Variants in CDH12 observed in about 807,000 individuals in gnomAD.
CDH12 encodes cadherin 12.
CDH12 carries 41 observed loss-of-function variants against 74.1 expected under a neutral mutation model. That is an observed-to-expected ratio of 0.55 (90% CI 0.43 to 0.72). The LOEUF is 0.72. CDH12 is among the 30% of genes least tolerant of loss of function. CDH12 has a pLI of 0.00. For synonymous variants in CDH12, 399 were observed against 355.0 expected, an observed-to-expected ratio of 1.12 and a Z score of -1.39; for missense variants, 945 against 977.2, an observed-to-expected ratio of 0.97 and a Z score of 0.44.
intron 6 of CDH12, among the ~76,000 whole-genome samples, chr5:21,921,108 T>C (rs140400974): frequency 6.6e-6 from 1 of 152,182 alleles, no homozygotes; most frequent in Non-Finnish European, 1.5e-5. Context: ...ATAAGATTGA[T>C]CAATGCATTT....
intron 7 of CDH12, among the ~76,000 whole-genome samples, chr5:21,852,420 T>C (rs1377208666): frequency 1.3e-5 from 2 of 151,444 alleles, no homozygotes; most frequent in Admixed American, 6.6e-5. Context: ...ACAAACTTTT[T>C]AAACATACTA....
chr5:22,528,968 A>G (rs1002731546), intron 1 of CDH12, among the ~76,000 whole-genome samples: 3 of 113,390 alleles, frequency 2.6e-5, no homozygotes, highest in African/African-American at 9.0e-5. Context: ...CCCAGTATCA[A>G]AATCTATATT....
intron 1 of CDH12, among the ~76,000 whole-genome samples, chr5:22,689,879 A>T (rs1167996049): frequency 6.6e-6 from 1 of 152,208 alleles, no homozygotes. Context: ...TTATAATAAA[A>T]TTTATTTTGT....
intron 1 of CDH12, among the ~76,000 whole-genome samples, chr5:22,625,133 G>A (rs978711741): frequency 6.6e-6 from 1 of 152,036 alleles, no homozygotes; most frequent in Non-Finnish European, 1.5e-5. Context: ...ACACAGGAAG[G>A]GGAACATCAC....
At chr5:22,594,563 G>A (rs1394884099) in intron 1 of CDH12, among the ~76,000 whole-genome samples, 1 of 152,072 alleles carries the variant, frequency 6.6e-6, no homozygotes, top group Non-Finnish European at 1.5e-5. Flanking sequence ...GCATAATGCT[G>A]AGAAGAATAT....
chr5:22,117,431 ATAAATTATATATATATAATATATATAT>A (rs1745182676), intron 4 of CDH12, among the ~76,000 whole-genome samples: 1 of 114,834 alleles, frequency 8.7e-6, no homozygotes, highest in East Asian at 2.3e-4. Context: ...ACATGCATAT[ATAAATTATATATATATAATATATATAT>A]TATATATATA....
chr5:22,065,336 T>A (rs1235481226), intron 5 of CDH12, among the ~76,000 whole-genome samples: 1 of 152,084 alleles, frequency 6.6e-6, no homozygotes, highest in East Asian at 1.9e-4. Context: ...ATATAGGGTA[T>A]GAAATAATGG....
At chr5:21,778,076 C>T (rs532303481) in intron 11 of CDH12, among the ~76,000 whole-genome samples, 53 of 152,242 alleles carry the variant, frequency 3.5e-4, no homozygotes, top group African/African-American at 1.2e-3. Context: ...ACTTGAGCAA[C>T]ATCTCCCAAT....
At chr5:22,042,042 T>C (rs1739610608) in intron 5 of CDH12, among the ~76,000 whole-genome samples, 1 of 151,954 alleles carries the variant, frequency 6.6e-6, no homozygotes, top group African/African-American at 2.4e-5. Flanking sequence ...ATCAACAACA[T>C]ACTCTTGAAC....
chr5:22,547,822 T>C (rs944791891), intron 1 of CDH12, among the ~76,000 whole-genome samples: 5 of 152,080 alleles, frequency 3.3e-5, no homozygotes, highest in Non-Finnish European at 5.9e-5. Context: ...ATAAAACACA[T>C]TGAGTAGGGG....
intron 4 of CDH12, among the ~76,000 whole-genome samples, chr5:22,107,857 T>A (rs2150256992): frequency 6.6e-6 from 1 of 152,266 alleles, no homozygotes; most frequent in Admixed American, 6.5e-5. Flanking sequence ...GTCACATATC[T>A]GTGCATCACT....
chr5:22,609,757 T>G (rs1368899102), intron 1 of CDH12, among the ~76,000 whole-genome samples: 1 of 152,216 alleles, frequency 6.6e-6, no homozygotes, highest in East Asian at 1.9e-4. Flanking sequence ...ATGAAGGAAA[T>G]TCCTTAAGTC....
At chr5:22,366,988 TA>T (rs1408718471) in intron 3 of CDH12, among the ~76,000 whole-genome samples, 1 of 152,236 alleles carries the variant, frequency 6.6e-6, no homozygotes, top group Non-Finnish European at 1.5e-5. Context: ...TTGTGGTTTT[TA>T]AAAAATTATT....
chr5:21,797,907 T>C (rs371259235), intron 10 of CDH12, among the ~76,000 whole-genome samples: 12 of 152,176 alleles, frequency 7.9e-5, no homozygotes, highest in African/African-American at 2.9e-4. Context: ...GTCTTCAAAA[T>C]ACAACAAACA....
At chr5:22,251,710 C>T (rs1034046627) in intron 3 of CDH12, among the ~76,000 whole-genome samples, 4 of 152,110 alleles carry the variant, frequency 2.6e-5, no homozygotes, top group African/African-American at 7.2e-5. Flanking sequence ...TATATCCAGT[C>T]CTAAGTGCTC....
At chr5:21,993,166 C>A (rs1010724489) in intron 5 of CDH12, among the ~76,000 whole-genome samples, 3 of 152,054 alleles carry the variant, frequency 2.0e-5, no homozygotes, top group African/African-American at 7.2e-5. Context: ...GGACATAGAG[C>A]CAAACCATAT....
At chr5:22,282,637 A>G (rs1013346382) in intron 3 of CDH12, among the ~76,000 whole-genome samples, 22 of 152,318 alleles carry the variant, frequency 1.4e-4, no homozygotes, top group African/African-American at 5.3e-4. Flanking sequence ...AACATATGAA[A>G]AAAAGCTCAT....
intron 3 of CDH12, among the ~76,000 whole-genome samples, chr5:22,272,915 G>A (rs1276162024): frequency 6.6e-6 from 1 of 152,144 alleles, no homozygotes; most frequent in Non-Finnish European, 1.5e-5. Flanking sequence ...TTACAATCAT[G>A]GCAGAAGGGG....
chr5:22,058,100 A>G (rs1456327062), intron 5 of CDH12, among the ~76,000 whole-genome samples: 2 of 151,830 alleles, frequency 1.3e-5, no homozygotes, highest in Non-Finnish European at 2.9e-5. Context: ...TCTGTCGCCC[A>G]GGCTGGAGTG....
Sources: allele counts gnomAD v4.1 joint callset (sites outside exome capture counted in the v4.1 genomes callset), GRCh38; gene constraint gnomAD v4.1.1; transcripts MANE v1.5; gene names NCBI Gene and HGNC (gene_info 2026-07-23, HGNC 2026-07-21).